ERBB4: variants seen among roughly 807,000 people sequenced by gnomAD.
ERBB4 encodes the protein receptor tyrosine-protein kinase erbB-4.
ERBB4 carries 42 observed loss-of-function variants against 158.0 expected under a neutral mutation model. That is an observed-to-expected ratio of 0.27 (90% confidence interval 0.21 to 0.34). ERBB4 has a LOEUF of 0.34. ERBB4 is among the 10% of genes least tolerant of loss of function. The pLI is 1.00. For synonymous variants in ERBB4, 583 were observed against 558.7 expected, an observed-to-expected ratio of 1.04 and a Z score of -0.61; for missense variants, 1,333 against 1,624.1, an observed-to-expected ratio of 0.82 and a Z score of 3.08.
chr2:212,048,895 G>C (rs1335884232), intron 2 of ERBB4, among the ~76,000 whole-genome samples: 1 of 152,124 alleles, frequency 6.6e-6, no homozygotes, highest in African/African-American at 2.4e-5. Flanking sequence ...AATAAGGAGA[G>C]GAAGTCCTAC....
At chr2:211,464,541 C>T (rs2064624949) in intron 20 of ERBB4, among the ~76,000 whole-genome samples, 1 of 152,058 alleles carries the variant, frequency 6.6e-6, no homozygotes, top group Non-Finnish European at 1.5e-5. Context: ...ACAGCTCTGT[C>T]ATTTATTATC....
chr2:212,221,748 G>A (rs1461470335), intron 1 of ERBB4, among the ~76,000 whole-genome samples: 1 of 151,374 alleles, frequency 6.6e-6, no homozygotes, highest in East Asian at 1.9e-4. Flanking sequence ...TTCCTCTTCT[G>A]TAGGAGAGTC....
In ERBB4 at chr2:211,947,439, T is replaced by A; in HGVS notation, c.412A>T (p.Asn138Tyr). 1 of 1,613,244 alleles carries A rather than the reference T, an allele frequency of 6.2e-7. No individual in the cohort carries two copies. The highest frequency in any genetic ancestry group is 1.1e-5 in the South Asian group (1 of 91,064). The change falls in exon 3 of 28, where the codon AAC becomes TAC. Residue 138 changes from asparagine to tyrosine, a missense_variant. Transcript: ENST00000342788. ...TGGATATATTCCTTACCTGTCAAGTTCTTTAATCCAAGTTCTTGAAGTCCA... is the reference window on the plus strand; with the variant it reads ...TGGATATATTCCTTACCTGTCAAGTACTTTAATCCAAGTTCTTGAAGTCCA... ...NFGLQELGLK[N>Y]LTEILNGGVY...
At chr2:212,531,744 A>G (rs1279875618) in intron 1 of ERBB4, among the ~76,000 whole-genome samples, 3 of 152,146 alleles carry the variant, frequency 2.0e-5, no homozygotes, top group African/African-American at 7.2e-5. Context: ...AAAAAGAAAG[A>G]AAAGAAACTC....
intron 1 of ERBB4, among the ~76,000 whole-genome samples, chr2:212,397,903 T>A (rs924974484): frequency 2.1e-4 from 32 of 152,054 alleles, no homozygotes; most frequent in African/African-American, 6.3e-4. Context: ...TGTTTTAAAA[T>A]GGGAGAAACT....
At chr2:212,314,075 C>G (rs1027531135) in intron 1 of ERBB4, among the ~76,000 whole-genome samples, 1 of 150,994 alleles carries the variant, frequency 6.6e-6, no homozygotes, top group Non-Finnish European at 1.5e-5. Flanking sequence ...AAGTAAGATC[C>G]TACTTTAAGT....
intron 3 of ERBB4, among the ~76,000 whole-genome samples, chr2:211,890,349 A>C (rs1422428821): frequency 7.0e-6 from 1 of 142,132 alleles, no homozygotes; most frequent in African/African-American, 2.7e-5. Flanking sequence ...ACAGACAAGC[A>C]AATGCTGAGA....
At chr2:212,069,845 C>T (rs2177036) in intron 2 of ERBB4, among the ~76,000 whole-genome samples, 130,281 of 151,986 alleles carry the variant, frequency 0.86, 57,099 homozygotes, top group East Asian at 1. Flanking sequence ...AGGCTGGGTA[C>T]GGTGGCTCCT....
rs934606 is a variant in ERBB4 at position 211,388,230 on chromosome 2, C to T, written c.3136-238G>A. 0.26 allele frequency among the ~76,000 whole-genome samples: 39,095 copies of T among 151,910 alleles called. 5,915 individuals are homozygous for T. Among genetic ancestry groups the T allele is most frequent in the Non-Finnish European group, 0.33 (22,565 of 67,920 alleles). ...TCAATCCCTGAAAAGGAAAATTGTA[C>T]AGAAAAAGCAAAATTTTTCAATGGA... On this transcript the variant is annotated intron_variant, in intron 25 of 27. Transcript: ENST00000342788.
rs115983319 is a variant in ERBB4 at position 211,578,802 on chromosome 2, C to A, written c.2302-16714G>T. Among the ~76,000 whole-genome samples the A allele has an allele frequency of 5.3e-3, 801 of 152,162 alleles. 6 individuals are homozygous for A. Among genetic ancestry groups the A allele is most frequent in the African/African-American group, 0.019 (775 of 41,510 alleles). On this transcript the variant is annotated intron_variant, in intron 19 of 27. Transcript: ENST00000342788. The stretch of plus-strand genomic sequence containing the variant: ...TCCTTACACCTTATACAAAAACTAC[C>A]TCAAGATGGATTAAAGATTGAAATG...
chr2:211,598,048 T>C (rs2068692466), intron 19 of ERBB4, among the ~76,000 whole-genome samples: 1 of 152,178 alleles, frequency 6.6e-6, no homozygotes, highest in Non-Finnish European at 1.5e-5. Flanking sequence ...TCTGACATGC[T>C]TGGTGGCCTC....
intron 3 of ERBB4, among the ~76,000 whole-genome samples, chr2:211,928,354 C>T (rs1416134995): frequency 1.3e-5 from 2 of 152,034 alleles, no homozygotes; most frequent in African/African-American, 4.8e-5. Flanking sequence ...CCACTCACCG[C>T]AGGGAATAAA....
At chr2:212,015,866 A>T (rs2125317578) in intron 2 of ERBB4, among the ~76,000 whole-genome samples, 1 of 152,326 alleles carries the variant, frequency 6.6e-6, no homozygotes, top group Non-Finnish European at 1.5e-5. Context: ...ATGCAAAGTC[A>T]CAGGGGTGTG....
At chr2:212,308,838 A>C (rs977120204) in intron 1 of ERBB4, among the ~76,000 whole-genome samples, 5 of 150,996 alleles carry the variant, frequency 3.3e-5, no homozygotes, top group Non-Finnish European at 5.9e-5. Flanking sequence ...TGGTAGTCAA[A>C]GTAAATTAAA....
intron 25 of ERBB4, among the ~76,000 whole-genome samples, chr2:211,403,655 A>C (rs981168549): frequency 3.3e-5 from 5 of 152,110 alleles, no homozygotes; most frequent in African/African-American, 1.2e-4. Flanking sequence ...ACATTTTGAC[A>C]TCACTGTGAA....
intron 1 of ERBB4, among the ~76,000 whole-genome samples, chr2:212,515,234 T>C (rs1440316325): frequency 1.3e-5 from 2 of 152,186 alleles, no homozygotes; most frequent in Non-Finnish European, 2.9e-5. Flanking sequence ...TCAATATCAG[T>C]TCATCACTAT....
At chr2:212,058,960 G>T (rs998766173) in intron 2 of ERBB4, among the ~76,000 whole-genome samples, 1 of 152,138 alleles carries the variant, frequency 6.6e-6, no homozygotes, top group African/African-American at 2.4e-5. Flanking sequence ...GAAGGAGAAA[G>T]AAATAAAGGG....
At chr2:212,143,648 A>T (rs929973378) in intron 1 of ERBB4, among the ~76,000 whole-genome samples, 11 of 152,146 alleles carry the variant, frequency 7.2e-5, no homozygotes, top group African/African-American at 2.7e-4. Flanking sequence ...TATCCCACAG[A>T]AAAAGTGGGA....
At chr2:211,707,490 C>T (rs1409976923) in intron 9 of ERBB4, among the ~76,000 whole-genome samples, 4 of 152,110 alleles carry the variant, frequency 2.6e-5, no homozygotes, top group Non-Finnish European at 4.4e-5. Context: ...ACTGAAATCA[C>T]TTTATTTTAT....
Sources: allele counts gnomAD v4.1 joint callset (sites outside exome capture counted in the v4.1 genomes callset), GRCh38; gene constraint gnomAD v4.1.1; transcripts MANE v1.5; gene names NCBI Gene and HGNC (gene_info 2026-07-23, HGNC 2026-07-21).